HPSE2: variants seen among roughly 807,000 people sequenced by gnomAD.
HPSE2 encodes heparanase 2 (inactive), also known as inactive heparanase-2.
Under a neutral mutation model 60.5 loss-of-function variants are expected in HPSE2, and 38 were observed. That is an observed-to-expected ratio of 0.63 (90% confidence interval 0.48 to 0.82). The LOEUF (loss-of-function observed/expected upper bound fraction) is 0.82, where lower values mean the gene tolerates loss of function less well. HPSE2 is among the 40% of genes least tolerant of loss of function. HPSE2 has a pLI of 0.00. For synonymous variants in HPSE2, 295 were observed against 293.2 expected (o/e 1.01, Z -0.06); for missense variants, 713 against 740.4 (o/e 0.96, Z 0.43).
At chr10:98,854,569 A>ACTG (rs993198564) in intron 3 of HPSE2, among the ~76,000 whole-genome samples, 17 of 152,202 alleles carry the variant, frequency 1.1e-4, no homozygotes, top group African/African-American at 4.1e-4. Flanking sequence ...GGATGTACCT[A>ACTG]CTGCTACACA....
intron 3 of HPSE2, among the ~76,000 whole-genome samples, chr10:99,037,340 CTCTT>C (rs1242036803): frequency 6.6e-6 from 1 of 152,032 alleles, no homozygotes; most frequent in Non-Finnish European, 1.5e-5. Context: ...TATACAATAT[CTCTT>C]TCTTAGTTCT....
At chr10:98,938,773 C>T (rs1954893151) in intron 3 of HPSE2, among the ~76,000 whole-genome samples, 1 of 143,258 alleles carries the variant, frequency 7.0e-6, no homozygotes, top group Admixed American at 7.0e-5. Context: ...AACCCCAAGA[C>T]ACATCATTGT....
intron 3 of HPSE2, among the ~76,000 whole-genome samples, chr10:98,949,731 T>G (rs1158920836): frequency 6.6e-6 from 1 of 152,160 alleles, no homozygotes; most frequent in African/African-American, 2.4e-5. Context: ...TTATTCCTGT[T>G]TTTTACACAT....
chr10:98,663,146 T>C (rs1947269146), intron 6 of HPSE2, among the ~76,000 whole-genome samples: 1 of 152,154 alleles, frequency 6.6e-6, no homozygotes, highest in African/African-American at 2.4e-5. Context: ...GAAAATCAGT[T>C]TGATTAGGCC....
intron 3 of HPSE2, among the ~76,000 whole-genome samples, chr10:99,071,040 TA>T (rs1842773162): frequency 6.6e-6 from 1 of 151,928 alleles, no homozygotes; most frequent in South Asian, 2.1e-4. Context: ...GTGGGATTGC[TA>T]GATAATATGG....
At chr10:98,583,068 G>A (rs923328641) in intron 9 of HPSE2, among the ~76,000 whole-genome samples, 3 of 152,216 alleles carry the variant, frequency 2.0e-5, no homozygotes, top group South Asian at 2.1e-4. Flanking sequence ...TGCCTACTCC[G>A]GGAACTGTCT....
chr10:99,003,679 C>G (rs1182879992), intron 3 of HPSE2, among the ~76,000 whole-genome samples: 3 of 151,922 alleles, frequency 2.0e-5, no homozygotes, highest in Non-Finnish European at 1.5e-5. Flanking sequence ...TAATCAGTTT[C>G]TCTTCTTGCT....
At chr10:98,503,787 T>C (rs1270964242) in intron 9 of HPSE2, among the ~76,000 whole-genome samples, 1 of 152,174 alleles carries the variant, frequency 6.6e-6, no homozygotes, top group African/African-American at 2.4e-5. Context: ...ATGTTCTCAC[T>C]GATAATGTGG....
intron 3 of HPSE2, among the ~76,000 whole-genome samples, chr10:99,080,644 C>T (rs1239289751): frequency 6.6e-6 from 1 of 152,160 alleles, no homozygotes; most frequent in Non-Finnish European, 1.5e-5. Flanking sequence ...TGCTGTTTTA[C>T]AAGTGCTCTT....
chr10:98,616,146 G>A (rs369561579), intron 8 of HPSE2, among the ~76,000 whole-genome samples: 30 of 152,148 alleles, frequency 2.0e-4, no homozygotes, highest in South Asian at 1.2e-3. Flanking sequence ...TCCAAATCAC[G>A]TGTCATTTTA....
chr10:98,868,166 A>C (rs922208043), intron 3 of HPSE2, among the ~76,000 whole-genome samples: 4 of 151,870 alleles, frequency 2.6e-5, no homozygotes, highest in Non-Finnish European at 5.9e-5. Flanking sequence ...TCAGCTATAA[A>C]AAGAATGAGA....
intron 3 of HPSE2, among the ~76,000 whole-genome samples, chr10:98,782,478 AGCATGTTTGTGTGT>A (rs1215961266): frequency 1.4e-5 from 2 of 141,374 alleles, no homozygotes; most frequent in Non-Finnish European, 3.0e-5. Flanking sequence ...TCAATTTCCC[AGCATGTTTGTGTGT>A]GCATGTTTGT....
intron 9 of HPSE2, among the ~76,000 whole-genome samples, chr10:98,561,842 A>G (rs1944193677): frequency 9.1e-6 from 1 of 109,378 alleles, no homozygotes; most frequent in Non-Finnish European, 2.0e-5. Context: ...AGCTAAACTC[A>G]GTCTCAAAAA....
chr10:98,888,135 AACACACACACAC>A (rs3043548), intron 3 of HPSE2, among the ~76,000 whole-genome samples: 21 of 140,708 alleles, frequency 1.5e-4, no homozygotes, highest in African/African-American at 5.0e-4. Context: ...TTTTAAAACA[AACACACACACAC>A]ACACACACAC....
chr10:99,020,805 G>A (rs181373486), intron 3 of HPSE2, among the ~76,000 whole-genome samples: 2 of 152,214 alleles, frequency 1.3e-5, no homozygotes, highest in East Asian at 3.9e-4. Flanking sequence ...ACAGGTGAAG[G>A]GAGACATTCT....
intron 5 of HPSE2, among the ~76,000 whole-genome samples, chr10:98,704,268 A>T (rs1948486769): frequency 6.6e-6 from 1 of 152,230 alleles, no homozygotes; most frequent in African/African-American, 2.4e-5. Context: ...GGACACAAAC[A>T]AATGGAAAAA....
At chr10:99,311,452 T>G in the HPSE2 span, among the ~76,000 whole-genome samples, 1 of 152,242 alleles carries the variant, frequency 6.6e-6, no homozygotes, top group African/African-American at 2.4e-5. Flanking sequence ...TTTTTCATTA[T>G]GATTATTATG....
At chr10:98,632,298 C>G (rs932240273) in intron 7 of HPSE2, among the ~76,000 whole-genome samples, 1 of 152,112 alleles carries the variant, frequency 6.6e-6, no homozygotes, top group Non-Finnish European at 1.5e-5. Context: ...GCATTTTTCA[C>G]AATTCAATGC....
At chr10:99,069,964 T>C (rs530769012) in intron 3 of HPSE2, among the ~76,000 whole-genome samples, 110 of 152,192 alleles carry the variant, frequency 7.2e-4, no homozygotes, top group African/African-American at 2.6e-3. Context: ...TATCTAGGCA[T>C]TGAGGAAATT....
Sources: gnomAD v4.1 joint callset for allele counts (sites outside exome capture counted in the v4.1 genomes callset) on GRCh38, gnomAD v4.1.1 for gene constraint, MANE v1.5 for transcripts, NCBI Gene and HGNC (gene_info 2026-07-23, HGNC 2026-07-21) for gene names.